The following PRR11 variants were observed in gnomAD, a reference collection of about 807,000 sequenced individuals.
PRR11 encodes the protein proline rich 11.
In PRR11, 30 loss-of-function variants were observed where a neutral mutation model predicts 45.6. That is an observed-to-expected ratio of 0.66 (90% CI 0.49 to 0.89). The LOEUF is 0.89. Among genes scored for constraint, PRR11 ranks in the 40% least tolerant of loss-of-function variants. PRR11 has a pLI of 0.00. For synonymous variants in PRR11, 128 were observed against 153.5 expected, an observed-to-expected ratio of 0.83 and a Z score of 1.23; for missense variants, 373 against 424.8, an observed-to-expected ratio of 0.88 and a Z score of 1.07.
At chr17:59,160,191 G>A (rs2046644578) in intron 1 of PRR11, among the ~76,000 whole-genome samples, 1 of 152,044 alleles carries the variant, frequency 6.6e-6, no homozygotes, top group Admixed American at 6.5e-5. Flanking sequence ...TCAAAACTCT[G>A]AAGTAAGTTC....
chr17:59,169,620 C>G (rs1280675244), intron 1 of PRR11, 128 bp from the exon 2 acceptor site: 36 of 874,318 alleles, frequency 4.1e-5, no homozygotes, highest in Admixed American at 3.4e-4. Flanking sequence ...TGACCTATTT[C>G]TTAACCAAGA....
At chr17:59,196,624 C>G (rs1036019636) in intron 7 of PRR11, among the ~76,000 whole-genome samples, 3 of 151,956 alleles carry the variant, frequency 2.0e-5, no homozygotes, top group Non-Finnish European at 1.5e-5. Context: ...TGACCCACCC[C>G]CCTCGGCCTC....
At chr17:59,193,076 T>C (rs946787621) in intron 4 of PRR11, among the ~76,000 whole-genome samples, 1 of 152,156 alleles carries the variant, frequency 6.6e-6, no homozygotes, top group Admixed American at 6.5e-5. Flanking sequence ...GTTTCAAGTG[T>C]GTTTGTGCAT....
At chr17:59,179,932 G>A in intron 2 of PRR11, 1 of 1,286,702 alleles carries the variant, frequency 7.8e-7, no homozygotes, top group Non-Finnish European at 1.1e-6. Context: ...GAACTCCTTA[G>A]AGCCAGACCC....
intron 9 of PRR11, among the ~76,000 whole-genome samples, chr17:59,198,039 A>G (rs1323325348): frequency 6.6e-6 from 1 of 152,112 alleles, no homozygotes; most frequent in Non-Finnish European, 1.5e-5. Flanking sequence ...ACTTGAGCCC[A>G]GGAGGTCAAG....
At chr17:59,195,173 G>A (rs2046859613) in intron 6 of PRR11, among the ~76,000 whole-genome samples, 158 bp from the exon 7 acceptor site, 2 of 152,130 alleles carry the variant, frequency 1.3e-5, no homozygotes, top group South Asian at 4.1e-4. Context: ...AGTCTGAAGA[G>A]GTAGAGACAT....
At chr17:59,179,347 C>T (rs1329334877) in intron 2 of PRR11, among the ~76,000 whole-genome samples, 1 of 152,160 alleles carries the variant, frequency 6.6e-6, no homozygotes, top group Non-Finnish European at 1.5e-5. Flanking sequence ...TCATAGCTCA[C>T]TGCAGCCTCA....
chr17:59,194,070 AAAG>A (rs1374248832), intron 5 of PRR11, among the ~76,000 whole-genome samples: 2 of 152,210 alleles, frequency 1.3e-5, no homozygotes, highest in African/African-American at 4.8e-5. Context: ...AAGTCAGAAC[AAAG>A]AGTTAGTGGA....
chr17:59,157,880 A>G (rs956259083), intron 1 of PRR11, among the ~76,000 whole-genome samples: 5 of 152,226 alleles, frequency 3.3e-5, no homozygotes, highest in Non-Finnish European at 7.3e-5. Context: ...GATACTCTAA[A>G]CAGAAGGAAA....
chr17:59,181,463 G>A (rs2046786207), intron 2 of PRR11: 14 of 1,067,684 alleles, frequency 1.3e-5, no homozygotes, highest in East Asian at 3.1e-5. Context: ...AGTTTTCCTC[G>A]TTTTTAAAAG....
chr17:59,173,358 C>A (rs571937447), intron 2 of PRR11, among the ~76,000 whole-genome samples: 1 of 152,128 alleles, frequency 6.6e-6, no homozygotes, highest in Non-Finnish European at 1.5e-5. Context: ...GCCACTTTCA[C>A]GCTGTGGAAG....
At chr17:59,185,320 T>A in intron 3 of PRR11, 116 bp downstream of exon 3, 1 of 1,515,466 alleles carries the variant, frequency 6.6e-7, no homozygotes, top group African/African-American at 1.4e-5. Context: ...AAGATGAAAT[T>A]ATTGAGTCAA....
intron 2 of PRR11, chr17:59,178,372 T>G: frequency 2.3e-6 from 1 of 443,046 alleles, no homozygotes; most frequent in Non-Finnish European, 4.4e-6. Context: ...TGGTGGGAAG[T>G]GCTGGAGGGA....
At chr17:59,161,042 T>G (rs934200983) in intron 1 of PRR11, among the ~76,000 whole-genome samples, 6 of 152,070 alleles carry the variant, frequency 3.9e-5, no homozygotes, top group African/African-American at 1.4e-4. Context: ...CACCGCCCTT[T>G]GCCTATATGT....
chr17:59,199,881 G>C (rs1483109395), intron 9 of PRR11, among the ~76,000 whole-genome samples: 2 of 152,094 alleles, frequency 1.3e-5, no homozygotes, highest in Admixed American at 6.6e-5. Context: ...CCTCCTCTTA[G>C]AGCATGCTAC....
chr17:59,187,924 A>G (rs988971209), intron 4 of PRR11, among the ~76,000 whole-genome samples: 4 of 152,022 alleles, frequency 2.6e-5, no homozygotes, highest in Non-Finnish European at 5.9e-5. Context: ...GCCTCAAAGA[A>G]TATTTGCATA....
chr17:59,186,233 G>A (rs980591777), intron 4 of PRR11, among the ~76,000 whole-genome samples: 2 of 151,826 alleles, frequency 1.3e-5, no homozygotes, highest in African/African-American at 4.8e-5. Flanking sequence ...CTTAGTAGCT[G>A]GGACTACAGG....
chr17:59,176,261 T>C (rs2046745127), intron 2 of PRR11, among the ~76,000 whole-genome samples: 1 of 152,048 alleles, frequency 6.6e-6, no homozygotes, highest in African/African-American at 2.4e-5. Flanking sequence ...TTGTAGAGAT[T>C]ATAGAGAGGG....
intron 2 of PRR11, among the ~76,000 whole-genome samples, chr17:59,174,474 CAGTATTTATG>C (rs1302075990): frequency 6.6e-6 from 1 of 152,150 alleles, no homozygotes; most frequent in East Asian, 1.9e-4. Flanking sequence ...TCCCCGAACT[CAGTATTTATG>C]ATTATTTTTG....
Sources: allele counts gnomAD v4.1 joint callset (sites outside exome capture counted in the v4.1 genomes callset), GRCh38; gene constraint gnomAD v4.1.1; transcripts MANE v1.5; gene names NCBI Gene and HGNC (gene_info 2026-07-23, HGNC 2026-07-21).